The following ATRNL1 variants were observed in gnomAD, a reference collection of about 807,000 sequenced individuals.
The protein encoded by ATRNL1 is attractin-like protein 1.
In ATRNL1, 95 loss-of-function variants were observed where a neutral mutation model predicts 182.7. The observed-to-expected ratio is 0.52, with a 90% CI of 0.44 to 0.62. The LOEUF is 0.62. Ranked by LOEUF, ATRNL1 falls within the 20% of genes least tolerant of loss-of-function variation. The pLI, the probability that ATRNL1 is intolerant of heterozygous loss-of-function variation, is 0.00. For missense variants in ATRNL1, 1,471 were observed against 1,679.5 expected (o/e 0.88, Z 2.17); for synonymous variants, 576 against 568.3 (o/e 1.01, Z -0.19).
chr10:115,203,328 A>G (rs1189156066), intron 8 of ATRNL1, among the ~76,000 whole-genome samples: 1 of 152,130 alleles, frequency 6.6e-6, no homozygotes, highest in African/African-American at 2.4e-5. Flanking sequence ...GTTGAAGGGA[A>G]TCTTTTGAAG....
At position 115,666,229 on chromosome 10, in the gene ATRNL1, C is replaced by T. The variant is rs192401510; in HGVS notation, c.3796-61019C>T. ...ACTTCCAGAGTATTTTAAAGGTCGT[C>T]CAAGGTTTGAAAAACACTGACTTAC... is the stretch of plus-strand genomic sequence containing the variant. On this transcript the variant is annotated intron_variant, in intron 26 of 28. Coordinates refer to ENST00000355044, the MANE Select transcript of ATRNL1 (RefSeq NM_207303.4). 2.0e-4 allele frequency among the ~76,000 whole-genome samples: 31 copies of T among 152,214 alleles called. No homozygotes were observed. The East Asian group carries it at 3.7e-3, about 18-fold the overall frequency.
rs56209735 is a variant in ATRNL1 at position 115,348,652 on chromosome 10, T to C, written c.3175+14233T>C. Among the ~76,000 whole-genome samples the C allele has an allele frequency of 8.6e-3, 1,312 of 152,268 alleles. 7 individuals are homozygous for C. Among genetic ancestry groups the C allele is most frequent in the Non-Finnish European group, 0.014 (948 of 68,010 alleles). ...ATCCTTGAACTCCATAAATACTTAT[T>C]GAATGCCTAATAAATGCAAGGAACA... On this transcript the variant is annotated intron_variant, in intron 19 of 28. Coordinates refer to ENST00000355044, the MANE Select transcript of ATRNL1 (RefSeq NM_207303.4).
intron 28 of ATRNL1, among the ~76,000 whole-genome samples, chr10:115,943,697 T>C (rs1328066040): frequency 4.6e-5 from 7 of 152,132 alleles, no homozygotes; most frequent in African/African-American, 1.7e-4. Flanking sequence ...AATTGAAATG[T>C]TATGTTCACA....
intron 27 of ATRNL1, among the ~76,000 whole-genome samples, chr10:115,738,424 G>A (rs928385289): frequency 6.6e-6 from 1 of 151,926 alleles, no homozygotes; most frequent in Non-Finnish European, 1.5e-5. Context: ...ACAGGCATGA[G>A]CTGCCATGCC....
At chr10:115,535,824 G>C (rs1422731064) in intron 25 of ATRNL1, among the ~76,000 whole-genome samples, 1 of 152,070 alleles carries the variant, frequency 6.6e-6, no homozygotes, top group African/African-American at 2.4e-5. Flanking sequence ...TTTCCTTCTA[G>C]CAGATAGGAC....
chr10:115,729,731 A>G (rs1555062036), intron 27 of ATRNL1, among the ~76,000 whole-genome samples: 1 of 152,048 alleles, frequency 6.6e-6, no homozygotes, highest in Admixed American at 6.6e-5. Flanking sequence ...TGCCCATCTC[A>G]AATAAAATTA....
chr10:115,660,677 TGATAA>T (rs1860626704), intron 26 of ATRNL1, among the ~76,000 whole-genome samples: 2 of 151,978 alleles, frequency 1.3e-5, no homozygotes, highest in Admixed American at 6.6e-5. Context: ...ACAGTTTCCA[TGATAA>T]GGTGGGGAAG....
At chr10:115,133,031 C>T (rs972973995) in intron 5 of ATRNL1, among the ~76,000 whole-genome samples, 8 of 152,210 alleles carry the variant, frequency 5.3e-5, no homozygotes, top group African/African-American at 1.7e-4. Context: ...AATGGTATTG[C>T]CTAGGTTTTC....
In ATRNL1 at chr10:115,703,568, A is replaced by G. The variant is rs573635283; in HGVS notation, c.3796-23680A>G. On this transcript the variant is annotated intron_variant, in intron 26 of 28. Coordinates refer to ENST00000355044, the MANE Select transcript of ATRNL1 (RefSeq NM_207303.4). ...ACATAGGTTGATGGATGATCTAGTA[A>G]CATTCTGGTTTTTAGGTTGAGTGGT... 2.6e-4 allele frequency among the ~76,000 whole-genome samples: 40 copies of G among 151,980 alleles called. 1 individual carries two copies. The highest frequency in any genetic ancestry group is 9.4e-4 in the African/African-American group (39 of 41,508).
At chr10:115,130,348 A>C (rs1845174859) in intron 5 of ATRNL1, among the ~76,000 whole-genome samples, 2 of 152,132 alleles carry the variant, frequency 1.3e-5, no homozygotes, top group South Asian at 4.1e-4. Flanking sequence ...TGTAATAAAT[A>C]GTAGCAATAG....
chr10:115,552,573 T>C (rs1423356459), intron 26 of ATRNL1, among the ~76,000 whole-genome samples: 1 of 151,432 alleles, frequency 6.6e-6, no homozygotes, highest in Non-Finnish European at 1.5e-5. Context: ...TAATATATTG[T>C]GTTCATTCAA....
intron 19 of ATRNL1, among the ~76,000 whole-genome samples, chr10:115,361,154 G>T (rs1024574201): frequency 1.1e-4 from 17 of 151,912 alleles, no homozygotes; most frequent in Admixed American, 1.1e-3. Flanking sequence ...TCACCCGCTA[G>T]TTCTAACATA....
intron 26 of ATRNL1, among the ~76,000 whole-genome samples, chr10:115,602,111 T>A (rs1555016094): frequency 6.6e-6 from 1 of 152,148 alleles, no homozygotes; most frequent in Admixed American, 6.5e-5. Context: ...CCTAGCACTT[T>A]GGGAGCCTGA....
At chr10:115,394,556 G>A (rs370937174) in intron 19 of ATRNL1, 103 bp from the exon 20 acceptor site, 2 of 840,176 alleles carry the variant, frequency 2.4e-6, no homozygotes, top group Non-Finnish European at 3.9e-6. Context: ...ATGGCAAGAG[G>A]AAGTTACAGG....
intron 24 of ATRNL1, among the ~76,000 whole-genome samples, chr10:115,498,666 T>A (rs1554979139): frequency 6.6e-6 from 1 of 151,732 alleles, no homozygotes; most frequent in African/African-American, 2.4e-5. Context: ...TATATAAGTA[T>A]ATACTTTAAT....
chr10:115,883,741 T>C (rs998449672), intron 28 of ATRNL1, among the ~76,000 whole-genome samples: 11 of 152,156 alleles, frequency 7.2e-5, no homozygotes, highest in Non-Finnish European at 1.6e-4. Flanking sequence ...GAGGGGATCT[T>C]CTAGAGCTTT....
In ATRNL1 at chr10:115,877,662, G is replaced by T. The variant is rs539218933; in HGVS notation, c.4018+29671G>T. On this transcript the variant is annotated intron_variant, in intron 28 of 28. Transcript: ENST00000355044. ...TTTGGACTTTGGGAACAAAAGCATT[G>T]TTTGGCAATATTTAAATCCTAGTAA... 3.9e-5 allele frequency among the ~76,000 whole-genome samples: 6 copies of T among 152,258 alleles called. No individual in the cohort carries two copies. The South Asian group carries it at 1.0e-3, about 26-fold the overall frequency.
chr10:115,852,228 A>C (rs1319154426), intron 28 of ATRNL1, among the ~76,000 whole-genome samples: 4 of 152,210 alleles, frequency 2.6e-5, no homozygotes, highest in South Asian at 2.1e-4. Context: ...ATGATTGACT[A>C]TACCATTACC....
chr10:115,700,445 G>A (rs1946697203), intron 26 of ATRNL1, among the ~76,000 whole-genome samples: 1 of 152,046 alleles, frequency 6.6e-6, no homozygotes, highest in African/African-American at 2.4e-5. Context: ...CTCTGATGGT[G>A]AGTGATATGA....
Sources: allele counts gnomAD v4.1 joint callset (sites outside exome capture counted in the v4.1 genomes callset), GRCh38; gene constraint gnomAD v4.1.1; transcripts MANE v1.5; gene names NCBI Gene and HGNC (gene_info 2026-07-23, HGNC 2026-07-21).